The following SAMD5 variants were observed in gnomAD, a reference collection of about 807,000 sequenced individuals.
The protein encoded by SAMD5 is sterile alpha motif domain containing 5, also known as sterile alpha motif domain-containing protein 5.
A neutral mutation model predicts 11.3 loss-of-function variants in SAMD5; 13 were observed. The ratio of observed to expected loss-of-function variants is 1.15; its 90% CI spans 0.75 to 1.83. SAMD5 has a LOEUF of 1.83. Among genes scored for constraint, SAMD5 ranks in the 40% most tolerant of loss-of-function variants. The probability of loss-of-function intolerance (pLI) is 0.00; values close to 1 mark genes in which losing one functional copy is unlikely to be tolerated. For synonymous variants in SAMD5, 129 were observed against 111.3 expected (o/e 1.16, Z -1.00); for missense variants, 255 against 239.1 (o/e 1.07, Z -0.44).
At chr6:147,709,802 C>T (rs2128458415) in intron 1 of SAMD5, among the ~76,000 whole-genome samples, 1 of 152,286 alleles carries the variant, frequency 6.6e-6, no homozygotes, top group East Asian at 1.9e-4. Context: ...TCTAACTACT[C>T]CCCTTCTGGT....
intron 1 of SAMD5, among the ~76,000 whole-genome samples, chr6:147,728,903 TATG>T (rs1791667604): frequency 6.6e-6 from 1 of 152,206 alleles, no homozygotes; most frequent in Non-Finnish European, 1.5e-5. Context: ...TTGAAATAAA[TATG>T]ATAAAAGTGT....
chr6:147,798,103 C>T, the SAMD5 span, among the ~76,000 whole-genome samples: 5 of 146,466 alleles, frequency 3.4e-5, no homozygotes, highest in East Asian at 2.0e-4. Context: ...TTCTTGCCTT[C>T]TGCTAGCTTT....
At chr6:147,698,854 G>A (rs1791214860) in intron 1 of SAMD5, among the ~76,000 whole-genome samples, 2 of 152,296 alleles carry the variant, frequency 1.3e-5, no homozygotes, top group South Asian at 4.1e-4. Context: ...GGAACTTGGA[G>A]GCTGAGAATG....
the SAMD5 span, among the ~76,000 whole-genome samples, chr6:147,918,372 A>T: frequency 6.6e-6 from 1 of 152,142 alleles, no homozygotes; most frequent in East Asian, 1.9e-4. Context: ...TTTGTCTGTT[A>T]TTGGTGTATA....
the SAMD5 span, among the ~76,000 whole-genome samples, chr6:147,824,656 C>T: frequency 6.6e-6 from 1 of 152,080 alleles, no homozygotes; most frequent in Non-Finnish European, 1.5e-5. Context: ...AATCAAAAAG[C>T]TTGATAAAGT....
intron 1 of SAMD5, among the ~76,000 whole-genome samples, chr6:147,724,130 A>T (rs574073448): frequency 7.2e-5 from 11 of 152,182 alleles, no homozygotes; most frequent in East Asian, 3.9e-4. Context: ...ACATGAAAAA[A>T]ATATATATAT....
chr6:147,830,251 C>CTTTTTTTTTTTTTTTTTTTTTTTTTTTTT, the SAMD5 span, among the ~76,000 whole-genome samples: 2 of 84,934 alleles, frequency 2.4e-5, no homozygotes, highest in Non-Finnish European at 4.5e-5. Flanking sequence ...TTCTTTCTTT[C>CTTTTTTTTTTTTTTTTTTTTTTTTTTTTT]TTTTTTTTTT....
At chr6:147,688,062 C>G (rs1791044188) in intron 1 of SAMD5, among the ~76,000 whole-genome samples, 1 of 152,084 alleles carries the variant, frequency 6.6e-6, no homozygotes, top group Non-Finnish European at 1.5e-5. Context: ...TATGTCAGAA[C>G]TTTTCACAGG....
At chr6:147,707,711 T>TA (rs1195643148) in intron 1 of SAMD5, among the ~76,000 whole-genome samples, 1 of 152,236 alleles carries the variant, frequency 6.6e-6, no homozygotes, top group Non-Finnish European at 1.5e-5. Context: ...CAAGTTTTCT[T>TA]ACATTCTGTG....
chr6:147,787,881 G>A, the SAMD5 span, among the ~76,000 whole-genome samples: 12,012 of 152,220 alleles, frequency 0.079, 750 homozygotes, highest in African/African-American at 0.17. Context: ...CAGTAGCTCC[G>A]TAGCGCCAAG....
At chr6:147,516,313 A>G (rs543012654) in intron 1 of SAMD5, among the ~76,000 whole-genome samples, 4 of 152,256 alleles carry the variant, frequency 2.6e-5, no homozygotes, top group African/African-American at 9.6e-5. Context: ...CATGGAATTC[A>G]TTTAAGTAAG....
At chr6:147,664,065 A>G (rs1167287784) in intron 1 of SAMD5, among the ~76,000 whole-genome samples, 2 of 152,182 alleles carry the variant, frequency 1.3e-5, no homozygotes, top group Non-Finnish European at 2.9e-5. Context: ...CTCAAGGACC[A>G]CTGGCAATTT....
chr6:147,532,194 T>C (rs2128441207), intron 1 of SAMD5, among the ~76,000 whole-genome samples: 1 of 152,288 alleles, frequency 6.6e-6, no homozygotes, highest in Non-Finnish European at 1.5e-5. Context: ...ATAGATAAAT[T>C]CTTAAGTGGT....
chr6:147,812,016 C>A, the SAMD5 span, among the ~76,000 whole-genome samples: 1 of 151,962 alleles, frequency 6.6e-6, no homozygotes, highest in Non-Finnish European at 1.5e-5. Context: ...CAACGAGCAG[C>A]CCTGCCTAAA....
At chr6:147,684,843 A>C (rs1583138611) in intron 1 of SAMD5, among the ~76,000 whole-genome samples, 2 of 152,290 alleles carry the variant, frequency 1.3e-5, no homozygotes, top group East Asian at 3.9e-4. Context: ...GGTCCTTTAA[A>C]ATTTTTTGTC....
chr6:147,529,393 A>G (rs528128997), intron 1 of SAMD5, among the ~76,000 whole-genome samples: 124 of 152,324 alleles, frequency 8.1e-4, no homozygotes, highest in African/African-American at 2.8e-3. Context: ...TTAATCCAAG[A>G]GTTCGATGAA....
chr6:147,584,647 A>G (rs1789349009), intron 1 of SAMD5, among the ~76,000 whole-genome samples: 1 of 152,226 alleles, frequency 6.6e-6, no homozygotes, highest in Non-Finnish European at 1.5e-5. Context: ...TCTGATTCAC[A>G]TGGCATTTTA....
At chr6:147,683,911 T>C (rs1790973671) in intron 1 of SAMD5, among the ~76,000 whole-genome samples, 1 of 152,228 alleles carries the variant, frequency 6.6e-6, no homozygotes, top group African/African-American at 2.4e-5. Flanking sequence ...TACAAATATT[T>C]ATATTACATA....
rs145061966 is a variant in SAMD5, at chr6:147,703,469, C to T, written c.163-33848C>T. ...TTGCAGAGCCCAAACGGTATCTTAC[C>T]ATTAAGTAGTTTGATAATGAAACAC... On this transcript the variant is annotated intron_variant, in intron 1 of 1. Coordinates refer to the SAMD5 transcript ENST00000566741. Among the ~76,000 whole-genome samples, 657 of 152,268 alleles carry T rather than the reference C, an allele frequency of 4.3e-3. 3 individuals are homozygous for T. Among genetic ancestry groups the T allele is most frequent in the African/African-American group, 0.015 (634 of 41,546 alleles).
Sources: allele counts gnomAD v4.1 joint callset (sites outside exome capture counted in the v4.1 genomes callset), GRCh38; gene constraint gnomAD v4.1.1; transcripts MANE v1.5; gene names NCBI Gene and HGNC (gene_info 2026-07-23, HGNC 2026-07-21).